IRF4: variants seen among roughly 807,000 people sequenced by gnomAD.
IRF4 encodes the protein lymphocyte-specific interferon regulatory factor.
Under a neutral mutation model 55.5 loss-of-function variants are expected in IRF4, and 13 were observed. That is an observed-to-expected ratio of 0.23 (90% CI 0.15 to 0.37). The LOEUF (loss-of-function observed/expected upper bound fraction) is 0.37, where lower values mean the gene tolerates loss of function less well. IRF4 is among the 10% of genes least tolerant of loss of function. IRF4 has a pLI of 1.00. For missense variants in IRF4, 397 were observed against 593.8 expected (o/e 0.67, Z 3.44); for synonymous variants, 249 against 240.7 (o/e 1.03, Z -0.32).
chr6:401,514 G>A lies in IRF4; in HGVS notation c.836G>A (p.Gly279Glu). 2.5e-6 allele frequency: 4 copies of A among 1,614,064 alleles called. No individual in the cohort carries two copies. Among genetic ancestry groups the A allele is most frequent in the Non-Finnish European group, 3.4e-6 (4 of 1,180,036 alleles). Residue 279 changes from glycine to glutamate, a missense_variant, in exon 7 of 9, where the codon GGA (glycine) becomes GAA (glutamate). This residue lies in a region of IRF4 where 341 missense variants were observed against 548.1 expected (regional missense o/e 0.62). Coordinates refer to ENST00000380956, the MANE Select transcript of IRF4 (RefSeq NM_002460.4). ...SSPEGCRISH[G>E]HTYDASNLDQ... ...CCCGAGGGCTGCCGGATCTCCCATGGACATACGTATGACGCCAGCAACCTG... is the reference window on the plus strand; with the variant it reads ...CCCGAGGGCTGCCGGATCTCCCATGAACATACGTATGACGCCAGCAACCTG...
At chr6:397,382 G>A (rs904012879) in intron 5 of IRF4, 130 bp downstream of exon 5, 13 of 1,060,838 alleles carry the variant, frequency 1.2e-5, no homozygotes, top group African/African-American at 6.4e-5. Flanking sequence ...TGTGCAGCTC[G>A]GGGAGAGGGG....
intron 5 of IRF4, 150 bp from the exon 6 acceptor site, chr6:398,678 G>GC (rs1159141336): frequency 3.6e-6 from 2 of 551,788 alleles, no homozygotes; most frequent in Non-Finnish European, 6.5e-6. Flanking sequence ...ACAAGAGCGT[G>GC]CCCTGCTAGT....
At chr6:398,748 TCACACA>T in intron 5 of IRF4, 74 bp from the exon 6 acceptor site, 1 of 980,124 alleles carries the variant, frequency 1.0e-6, no homozygotes, top group Admixed American at 2.2e-5. Context: ...TTCCCAGGCT[TCACACA>T]CACACCCCAG....
rs1264188896 is a variant in IRF4, at chr6:405,508, T to C, written c.1212+378T>C. On this transcript the variant is annotated intron_variant, in intron 8 of 8. Coordinates refer to ENST00000380956, the MANE Select transcript of IRF4 (RefSeq NM_002460.4). The stretch of plus-strand genomic sequence containing the variant: ...GATTGCTGTAAGAATGCTATCTAGC[T>C]AGTGGATCTTCATTCAATGGAAAAG... Among the ~76,000 whole-genome samples the C allele has an allele frequency of 2.6e-5, 4 of 152,254 alleles. No individual in the cohort carries two copies. In the East Asian group the frequency reaches 5.8e-4, roughly 22 times the overall value.
chr6:394,546 T>G (rs1410717478), intron 2 of IRF4, among the ~76,000 whole-genome samples: 1 of 152,186 alleles, frequency 6.6e-6, no homozygotes, highest in Non-Finnish European at 1.5e-5. Flanking sequence ...GGTGGAAGGA[T>G]GCCTATGCAA....
At position 395,898 on chromosome 6, in the gene IRF4, A is replaced by G. The variant is rs1289314958; in HGVS notation, c.455A>G (p.Tyr152Cys). The G allele has an allele frequency of 2.5e-6, 4 of 1,613,742 alleles. No individual in the cohort carries two copies. Among genetic ancestry groups the G allele is most frequent in the Non-Finnish European group, 3.4e-6 (4 of 1,179,886 alleles). ...CCGCAGATGTCCATGAGCCACCCCT[A>G]CACCATGACAACGCCTTACCCTTCG... The part of the protein sequence containing the change: ...EDPQMSMSHP[Y>C]TMTTPYPSLP... Residue 152 changes from tyrosine (Y) to cysteine (C), a missense_variant, in exon 4 of 9, where the codon TAC becomes TGC. By Grantham distance (194) the Tyr-to-Cys change is radical. Around this residue, in one of 3 missense-constraint regions of IRF4, gnomAD observed 341 missense variants for 548.1 expected, o/e 0.62. Transcript: ENST00000380956.
chr6:393,400 C>T lies in IRF4; in HGVS notation c.216+32C>T, dbSNP rs1422456866. ...GGCCTCGGGAGCCGGCGGGGGCGCGCCGGGGAGGGCCCAGAGACAGAGCCC... is the reference window on the plus strand; with the variant it reads ...GGCCTCGGGAGCCGGCGGGGGCGCGTCGGGGAGGGCCCAGAGACAGAGCCC... On this transcript the variant is annotated intron_variant, in intron 2 of 8. Coordinates refer to ENST00000380956, the MANE Select transcript of IRF4 (RefSeq NM_002460.4). The surrounding 1 kb of genome is among the most constrained non-coding windows in gnomAD (Gnocchi z 5.4). The T allele has an allele frequency of 7.0e-7, 1 of 1,431,812 alleles. No individual in the cohort carries two copies. Among genetic ancestry groups the T allele is most frequent in the Non-Finnish European group, 9.4e-7 (1 of 1,064,880 alleles). 88.7% of individuals were successfully genotyped at this position (1,431,812 alleles called of 1,614,324 possible). A position where few individuals can be genotyped will look rare whatever the true frequency, so the allele number is the denominator to read the frequency against.
intron 1 of IRF4, among the ~76,000 whole-genome samples, chr6:392,244 C>T (rs980851617): frequency 2.0e-5 from 3 of 152,256 alleles, no homozygotes; most frequent in Non-Finnish European, 4.4e-5. Flanking sequence ...GGCCCAAGCT[C>T]ACGGCGGCCT....
rs186655777 is a variant in IRF4, at chr6:408,230, A to G, written c.*632A>G. On this transcript the variant is annotated 3_prime_UTR_variant, in exon 9 of 9. Transcript: ENST00000380956. ...TGTAAATTGAAGAAGCCTCACACGT[A>G]AAAGAAATGTATTAATGTATGTAGG... The G allele has an allele frequency of 2.3e-4, 53 of 232,980 alleles. No individual in the cohort carries two copies. In the Admixed American group the frequency reaches 2.9e-3, roughly 13 times the overall value. 14.4% of individuals were successfully genotyped at this position (232,980 alleles called of 1,614,324 possible).
At chr6:402,149 T>A (rs549730986) in intron 7 of IRF4, among the ~76,000 whole-genome samples, 62 of 152,332 alleles carry the variant, frequency 4.1e-4, no homozygotes, top group Non-Finnish European at 2.1e-4. Context: ...TTAACATTCT[T>A]GGTTGTCAGG....
chr6:407,685 C>T lies in IRF4; in HGVS notation c.*87C>T, dbSNP rs192507789. ...ACGGGGTCTTGCTCTGTCTCCCAGG[C>T]TGGAGTGCAGTGACACAATCTCAGC... On this transcript the variant is annotated 3_prime_UTR_variant, in exon 9 of 9. Transcript: ENST00000380956. The T allele has an allele frequency of 3.1e-4, 394 of 1,252,264 alleles. 1 individual carries two copies. The African/African-American group carries it at 5.1e-3, about 16-fold the overall frequency. The allele number at this position is 1,252,264 out of a possible 1,614,324, so 77.6% of individuals were successfully genotyped here. A position where few individuals can be genotyped will look rare whatever the true frequency, so the allele number is the denominator to read the frequency against.
chr6:410,438 G>C lies in IRF4; in HGVS notation c.*2840G>C, dbSNP rs925059631. ...ACAGAAAACCCAGCTAGACTATTGGGTATGAACTAAAAAGAGACTGTGCCA... is the reference window on the plus strand; with the variant it reads ...ACAGAAAACCCAGCTAGACTATTGGCTATGAACTAAAAAGAGACTGTGCCA... On this transcript the variant is annotated 3_prime_UTR_variant, in exon 9 of 9. Coordinates refer to ENST00000380956, the MANE Select transcript of IRF4 (RefSeq NM_002460.4). 4.4e-6 allele frequency: 1 copy of C among 229,238 alleles called. No homozygotes were observed. The highest frequency in any genetic ancestry group is 8.7e-6 in the Non-Finnish European group (1 of 115,474). 14.2% of individuals were successfully genotyped at this position (229,238 alleles called of 1,614,324 possible). A position where few individuals can be genotyped will look rare whatever the true frequency, so the allele number is the denominator to read the frequency against.
chr6:394,757 A>G lies in IRF4; in HGVS notation c.217-64A>G, dbSNP rs548038312. The G allele has an allele frequency of 7.3e-6, 11 of 1,497,268 alleles. No homozygotes were observed. In the East Asian group the frequency reaches 9.1e-5, roughly 12 times the overall value. The allele number at this position is 1,497,268 out of a possible 1,614,324, so 92.7% of individuals were successfully genotyped here. ...GCAGCAGAGCAGGACTCTGATTCCAAAAAGAAAGCTAATAAACCAGACATG... is the reference window on the plus strand; with the variant it reads ...GCAGCAGAGCAGGACTCTGATTCCAGAAAGAAAGCTAATAAACCAGACATG... On this transcript the variant is annotated intron_variant, in intron 2 of 8. Transcript: ENST00000380956.
At chr6:407,201 A>T (rs1761568144) in intron 8 of IRF4, among the ~76,000 whole-genome samples, 1 of 152,222 alleles carries the variant, frequency 6.6e-6, no homozygotes, top group Non-Finnish European at 1.5e-5. Flanking sequence ...GTACATTTTA[A>T]GTGGCAGTCG....
intron 8 of IRF4, among the ~76,000 whole-genome samples, chr6:405,449 G>T (rs1047461258): frequency 6.6e-6 from 1 of 152,128 alleles, no homozygotes; most frequent in Non-Finnish European, 1.5e-5. Context: ...AAAGATTGAT[G>T]GTTAAAGTTG....
At chr6:401,351 G>C (rs1297247904) in intron 6 of IRF4, 73 bp from the exon 7 acceptor site, 1 of 1,142,828 alleles carries the variant, frequency 8.8e-7, no homozygotes, top group Non-Finnish European at 1.3e-6. Flanking sequence ...CAGGTGCTTG[G>C]CTCTGTGGAG....
chr6:403,661 C>A (rs1467285264), intron 7 of IRF4, among the ~76,000 whole-genome samples: 1 of 152,224 alleles, frequency 6.6e-6, no homozygotes, highest in Non-Finnish European at 1.5e-5. Flanking sequence ...TTCATTCCTT[C>A]CTCTGTAACC....
chr6:393,135 G>T lies in IRF4; in HGVS notation c.-18G>T, dbSNP rs1185705627. 6.5e-7 allele frequency: 1 copy of T among 1,545,468 alleles called. No homozygotes were observed. Among genetic ancestry groups the T allele is most frequent in the African/African-American group, 1.4e-5 (1 of 72,678 alleles). ...CGGGCGGAGGACCCCGGGCGCGGGC[G>T]CGGACGGCACGCGGGGCATGAACCT... is the stretch of plus-strand genomic sequence containing the variant. On this transcript the variant is annotated 5_prime_UTR_variant, in exon 2 of 9. Coordinates refer to ENST00000380956, the MANE Select transcript of IRF4 (RefSeq NM_002460.4). The surrounding 1 kb of genome is among the most constrained non-coding windows in gnomAD (Gnocchi z 5.4).
At chr6:401,954 A>G (rs1363847279) in intron 7 of IRF4, 177 bp downstream of exon 7, 4 of 611,622 alleles carry the variant, frequency 6.5e-6, no homozygotes, top group Non-Finnish European at 1.2e-5. Flanking sequence ...TGTTGTGGGC[A>G]GAGAGTCCGG....
Sources: allele counts gnomAD v4.1 joint callset (sites outside exome capture counted in the v4.1 genomes callset), GRCh38; gene constraint gnomAD v4.1.1; regional missense constraint gnomAD v4.1.1; non-coding constraint Gnocchi (gnomAD v3.1); transcripts MANE v1.5; gene names NCBI Gene and HGNC (gene_info 2026-07-23, HGNC 2026-07-21).